Variants in DDX60 observed in about 807,000 individuals in gnomAD.
The protein encoded by DDX60 is DExD/H-box helicase 60, also known as probable ATP-dependent RNA helicase DDX60.
In DDX60, 165 loss-of-function variants were observed where a neutral mutation model predicts 212.8. The observed-to-expected ratio is 0.78, with a 90% confidence interval of 0.68 to 0.88. DDX60 has a LOEUF of 0.88. DDX60 is among the 40% of genes least tolerant of loss of function. The pLI, the probability that DDX60 is intolerant of heterozygous loss-of-function variation, is 0.00. For synonymous variants in DDX60, 703 were observed against 685.3 expected (o/e 1.03, Z -0.40); for missense variants, 1,905 against 2,003.9 (o/e 0.95, Z 0.94).
At position 168,273,942 on chromosome 4, in the gene DDX60, G is replaced by A; in HGVS notation, c.2446C>T (p.Pro816Ser). The A allele has an allele frequency of 6.2e-7, 1 of 1,613,606 alleles. No individual in the cohort carries two copies. Residue 816 changes from proline (P) to serine (S), a missense_variant, in exon 17 of 38, where the codon CCC (proline) becomes TCC (serine). By Grantham distance (74) the Pro-to-Ser change is moderately conservative (BLOSUM62 -1). Coordinates refer to ENST00000393743, the MANE Select transcript of DDX60 (RefSeq NM_017631.6). The stretch of plus-strand genomic sequence containing the variant: ...AGTCACTTGAGCACTACCTTTGTGG[G>A]TGCAACGTACACGACCACCCCGTCG... ...SDDGVVVYVA[P>S]TKALVNQVAA... is the part of the protein sequence containing the mutation.
At chr4:168,297,314 GAAAGAAAGAAAGAAAGAAAGAAAGA>G in intron 6 of DDX60, among the ~76,000 whole-genome samples, 1 of 33,018 alleles carries the variant, frequency 3.0e-5, no homozygotes, top group African/African-American at 3.3e-4. Flanking sequence ...AAGAAAGAAA[GAAAGAAAGAAAGAAAGAAAGAAAGA>G]AAGAAAGAAA....
At chr4:168,286,260 T>C (rs1051211462) in intron 10 of DDX60, among the ~76,000 whole-genome samples, 1 of 151,974 alleles carries the variant, frequency 6.6e-6, no homozygotes, top group South Asian at 2.1e-4. Context: ...TATATATCTA[T>C]ATACATATAC....
At chr4:168,267,288 T>C (rs1734889958) in intron 22 of DDX60, among the ~76,000 whole-genome samples, 1 of 152,226 alleles carries the variant, frequency 6.6e-6, no homozygotes, top group South Asian at 2.1e-4. Context: ...ACATGGGAGC[T>C]GAGAGGAAGA....
intron 7 of DDX60, 36 bp from the exon 8 acceptor site, chr4:168,291,942 G>C (rs368462879): frequency 1.3e-6 from 2 of 1,524,542 alleles, no homozygotes; most frequent in Admixed American, 2.0e-5. Context: ...CCAGAGAACA[G>C]CAGGGTGTGA....
intron 37 of DDX60, among the ~76,000 whole-genome samples, chr4:168,219,263 C>A (rs1418886872): frequency 6.6e-6 from 1 of 151,802 alleles, no homozygotes; most frequent in Non-Finnish European, 1.5e-5. Context: ...TTCACTCCAG[C>A]CTGGGTGACA....
At position 168,255,840 on chromosome 4, in the gene DDX60, G is replaced by C. The variant is rs1365315115; in HGVS notation, c.3428C>G (p.Ala1143Gly). 5.0e-6 allele frequency: 8 copies of C among 1,596,000 alleles called. No individual in the cohort carries two copies. Among genetic ancestry groups the C allele is most frequent in the Non-Finnish European group, 6.8e-6 (8 of 1,174,912 alleles). Residue 1143 changes from alanine (A) to glycine (G), a missense_variant, in exon 26 of 38, where the codon GCT (alanine) becomes GGT (glycine). Physicochemically the swap from Ala to Gly is moderately conservative, Grantham distance 60. Transcript: ENST00000393743. ...CTTTAGGAAAGTGCTCACACTTTCA[G>C]CTGCGTTTTCTACAGCTCCTAACTT... is the stretch of plus-strand genomic sequence containing the variant. ...LFKLGAVENA[A>G]ESVSTFLKKK...
At chr4:168,317,571 G>C (rs561231) in intron 1 of DDX60, among the ~76,000 whole-genome samples, 41,049 of 151,996 alleles carry the variant, frequency 0.27, 6,266 homozygotes, top group African/African-American at 0.43. Context: ...CTGAAACCCT[G>C]CCTGGAGAAG....
At chr4:168,292,471 T>C (rs1736153025) in intron 7 of DDX60, among the ~76,000 whole-genome samples, 1 of 152,164 alleles carries the variant, frequency 6.6e-6, no homozygotes, top group Admixed American at 6.5e-5. Context: ...GCATTTAAAA[T>C]AAAACATTTT....
In DDX60 at chr4:168,278,727, G is replaced by A. The variant is rs567624725; in HGVS notation, c.1978+1608C>T. Among the ~76,000 whole-genome samples, 4 of 152,262 alleles carry A rather than the reference G, an allele frequency of 2.6e-5. No homozygotes were observed. The South Asian group carries it at 6.2e-4, about 24-fold the overall frequency. On this transcript the variant is annotated intron_variant, in intron 14 of 37. Coordinates refer to ENST00000393743, the MANE Select transcript of DDX60 (RefSeq NM_017631.6). ...GCATGCAGTCCCAGATACTCAGGAGGCTGAGGCAGCAGAATAGCTTGAACC... is the reference window on the plus strand; with the variant it reads ...GCATGCAGTCCCAGATACTCAGGAGACTGAGGCAGCAGAATAGCTTGAACC...
At chr4:168,253,869 T>G (rs1013976738) in intron 26 of DDX60, among the ~76,000 whole-genome samples, 10 of 152,332 alleles carry the variant, frequency 6.6e-5, no homozygotes, top group Admixed American at 2.0e-4. Context: ...CAATGTAACA[T>G]GCACCCAAGT....
chr4:168,242,581 G>T (rs1395944383), intron 30 of DDX60, among the ~76,000 whole-genome samples: 1 of 152,146 alleles, frequency 6.6e-6, no homozygotes, highest in African/African-American at 2.4e-5. Context: ...GGCCTGTGGT[G>T]CCTTTGATTT....
At chr4:168,279,721 C>A (rs558271076) in intron 14 of DDX60, among the ~76,000 whole-genome samples, 1 of 152,118 alleles carries the variant, frequency 6.6e-6, no homozygotes, top group East Asian at 1.9e-4. Context: ...AGTGAAACAA[C>A]ATATTGAAGT....
chr4:168,309,582 C>T (rs556965417), intron 3 of DDX60, among the ~76,000 whole-genome samples: 1 of 151,800 alleles, frequency 6.6e-6, no homozygotes, highest in Non-Finnish European at 1.5e-5. Flanking sequence ...TTTATAGACT[C>T]TAATATGATT....
chr4:168,277,860 C>A (rs72693152), intron 14 of DDX60, among the ~76,000 whole-genome samples: 4,583 of 148,884 alleles, frequency 0.031, 97 homozygotes, highest in Non-Finnish European at 0.048. Context: ...ATACATAAAT[C>A]ATATGTTTTT....
chr4:168,313,316 T>C (rs1426668659), intron 1 of DDX60, among the ~76,000 whole-genome samples: 1 of 152,310 alleles, frequency 6.6e-6, no homozygotes, highest in South Asian at 2.1e-4. Flanking sequence ...GTTTAATGCA[T>C]AAAGTTGTGA....
At chr4:168,303,302 C>CAAA (rs35768208) in intron 5 of DDX60, among the ~76,000 whole-genome samples, 2 of 99,736 alleles carry the variant, frequency 2.0e-5, no homozygotes, top group African/African-American at 6.5e-5. Context: ...ACTCTGTCTC[C>CAAA]AAAAAAAAAA....
At chr4:168,247,507 A>T (rs896318959) in intron 29 of DDX60, among the ~76,000 whole-genome samples, 1 of 152,166 alleles carries the variant, frequency 6.6e-6, no homozygotes, top group African/African-American at 2.4e-5. Flanking sequence ...GTTGATAAAA[A>T]CCTGCATGTG....
intron 33 of DDX60, among the ~76,000 whole-genome samples, chr4:168,227,849 T>A (rs1482873447): frequency 6.6e-6 from 1 of 152,124 alleles, no homozygotes; most frequent in African/African-American, 2.4e-5. Flanking sequence ...TTTTAACTTT[T>A]CACGCAATTG....
chr4:168,225,265 C>G lies in DDX60; in HGVS notation c.4681+264G>C, dbSNP rs369614191. ...ATTCGTCTCTAGTTTCTCTTCATCT[C>G]ATAGATGCCCTTACTCAGTTTTCCA... On this transcript the variant is annotated intron_variant, in intron 34 of 37. Coordinates refer to ENST00000393743, the MANE Select transcript of DDX60 (RefSeq NM_017631.6). 5.3e-5 allele frequency among the ~76,000 whole-genome samples: 8 copies of G among 152,160 alleles called. No individual in the cohort carries two copies. In the East Asian group the frequency reaches 1.5e-3, roughly 29 times the overall value.
Sources: allele counts gnomAD v4.1 joint callset (sites outside exome capture counted in the v4.1 genomes callset), GRCh38; gene constraint gnomAD v4.1.1; transcripts MANE v1.5; gene names NCBI Gene and HGNC (gene_info 2026-07-23, HGNC 2026-07-21).